PRKN: variants seen among roughly 807,000 people sequenced by gnomAD.
PRKN encodes the protein E3 ubiquitin-protein ligase parkin.
PRKN carries 56 observed loss-of-function variants against 59.5 expected under a neutral mutation model. The observed-to-expected ratio is 0.94, with a 90% CI of 0.76 to 1.18. The LOEUF (loss-of-function observed/expected upper bound fraction) is 1.18, where lower values mean the gene tolerates loss of function less well. Ranked by LOEUF, PRKN falls within the 50% of genes most tolerant of loss-of-function variation. The pLI, the probability that PRKN is intolerant of heterozygous loss-of-function variation, is 0.00. For missense variants in PRKN, 657 were observed against 596.4 expected, an observed-to-expected ratio of 1.10 and a Z score of -1.06; for synonymous variants, 250 against 222.1, an observed-to-expected ratio of 1.13 and a Z score of -1.12.
At chr6:161,988,638 G>A (rs1781528540) in intron 5 of PRKN, among the ~76,000 whole-genome samples, 1 of 151,914 alleles carries the variant, frequency 6.6e-6, no homozygotes, top group Admixed American at 6.6e-5. Flanking sequence ...AAAAAGAAGA[G>A]TAAAAACAGA....
intron 7 of PRKN, among the ~76,000 whole-genome samples, chr6:161,742,062 G>A (rs555443007): frequency 1.3e-5 from 2 of 152,090 alleles, no homozygotes; most frequent in Non-Finnish European, 1.5e-5. Context: ...CTCCGCCTCC[G>A]AGGCTCAAGT....
intron 10 of PRKN, among the ~76,000 whole-genome samples, chr6:161,380,436 T>TA (rs1785920042): frequency 6.7e-6 from 1 of 149,124 alleles, no homozygotes; most frequent in East Asian, 1.9e-4. Flanking sequence ...CTTTTTTTTT[T>TA]TTTTTTTTTT....
chr6:161,422,196 T>C (rs1788134329), intron 9 of PRKN, among the ~76,000 whole-genome samples: 1 of 146,910 alleles, frequency 6.8e-6, no homozygotes, highest in Non-Finnish European at 1.5e-5. Context: ...ACAAATAAAA[T>C]CTTTTTTTTT....
In PRKN at chr6:161,526,024, A is replaced by G. The variant is rs1779004304; in HGVS notation, c.1083+22830T>C. On this transcript the variant is annotated intron_variant, in intron 9 of 11. Transcript: ENST00000366898. This position sits in a 1 kb window ranked among gnomAD's most constrained non-coding sequence, Gnocchi z 4.1. ...GTAACCCAAATCTGTGTATATAAGCAATTTAGTATTGTGTATCTTCTAAAG... is the reference window on the plus strand; with the variant it reads ...GTAACCCAAATCTGTGTATATAAGCGATTTAGTATTGTGTATCTTCTAAAG... Among the ~76,000 whole-genome samples, 1 of 152,202 alleles carries G rather than the reference A, an allele frequency of 6.6e-6. No homozygotes were observed. The highest frequency in any genetic ancestry group is 6.5e-5 in the Admixed American group (1 of 15,286).
At chr6:161,835,311 G>C (rs769273240) in intron 6 of PRKN, among the ~76,000 whole-genome samples, 5 of 152,086 alleles carry the variant, frequency 3.3e-5, no homozygotes, top group Non-Finnish European at 7.4e-5. Context: ...GAGAAGGAAG[G>C]GGGGCTTCCT....
intron 2 of PRKN, among the ~76,000 whole-genome samples, chr6:162,304,502 T>A (rs1461657932): frequency 9.5e-6 from 1 of 105,046 alleles, no homozygotes; most frequent in African/African-American, 4.4e-5. Flanking sequence ...TATCTATCTA[T>A]CTATCTATCT....
rs117156598 is a variant in PRKN, at chr6:161,471,362, A to C, written c.1083+77492T>G. Among the ~76,000 whole-genome samples the C allele has an allele frequency of 9.7e-3, 1,482 of 152,330 alleles. 20 individuals are homozygous for C. The highest frequency in any genetic ancestry group is 0.024 in the Middle Eastern group (7 of 294). Reference sequence around the variant, plus strand: ...CCTACGTAAGCAGCTTTATAATAAGAAAATATTTGTTTATGAATTCAAACT... The same window carrying C: ...CCTACGTAAGCAGCTTTATAATAAGCAAATATTTGTTTATGAATTCAAACT... On this transcript the variant is annotated intron_variant, in intron 9 of 11. Coordinates refer to ENST00000366898, the MANE Select transcript of PRKN (RefSeq NM_004562.3). This position sits in a 1 kb window ranked among gnomAD's most constrained non-coding sequence, Gnocchi z 4.5.
At chr6:162,103,221 T>C (rs1018268364) in intron 4 of PRKN, among the ~76,000 whole-genome samples, 2 of 152,042 alleles carry the variant, frequency 1.3e-5, no homozygotes, top group East Asian at 1.9e-4. Context: ...AAAAAAGCTG[T>C]TCAGTTTTGT....
chr6:161,682,700 G>A (rs1267326238), intron 7 of PRKN, among the ~76,000 whole-genome samples: 1 of 152,110 alleles, frequency 6.6e-6, no homozygotes, highest in African/African-American at 2.4e-5. Context: ...CCTTTCATTC[G>A]GAAACACTTG....
intron 7 of PRKN, among the ~76,000 whole-genome samples, chr6:161,706,250 C>T (rs186817701): frequency 3.9e-5 from 6 of 152,310 alleles, no homozygotes; most frequent in Admixed American, 1.3e-4. Context: ...GACCAATTCA[C>T]ACCTCTGTGC....
chr6:161,997,436 T>G (rs1421847554), intron 5 of PRKN, among the ~76,000 whole-genome samples: 2 of 152,224 alleles, frequency 1.3e-5, no homozygotes, highest in East Asian at 3.9e-4. Context: ...GTGGGTTTTG[T>G]GCAGTGTCTC....
At position 162,380,445 on chromosome 6, in the gene PRKN, ATG is replaced by A. The variant is rs1172812243; in HGVS notation, c.171+62863_171+62864del. On this transcript the variant is annotated intron_variant, in intron 2 of 11. Transcript: ENST00000366898. ...TATATATATGTGTGTATATATATAT[ATG>A]TATATATACACACATATATATGTGT... Among the ~76,000 whole-genome samples the A allele has an allele frequency of 8.3e-4, 75 of 90,206 alleles. 1 individual carries two copies. The highest frequency in any genetic ancestry group is 4.0e-3 in the African/African-American group (69 of 17,102). 59.2% of individuals were successfully genotyped at this position (90,206 alleles called of 152,430 possible).
intron 6 of PRKN, among the ~76,000 whole-genome samples, chr6:161,797,593 T>C (rs1790904936): frequency 2.0e-5 from 3 of 152,214 alleles, no homozygotes; most frequent in Admixed American, 6.5e-5. Context: ...ATTAGAGGAA[T>C]ATTTAAAAAT....
At position 161,612,446 on chromosome 6, in the gene PRKN, C is replaced by T. The variant is rs181841498; in HGVS notation, c.872-43030G>A. ...TAAGAATTATGTGATATCAGCCAGG[C>T]GCGGTGGCTCACACCCATAATTCCA... On this transcript the variant is annotated intron_variant, in intron 7 of 11. Coordinates refer to ENST00000366898, the MANE Select transcript of PRKN (RefSeq NM_004562.3). Among the ~76,000 whole-genome samples, 813 of 152,190 alleles carry T rather than the reference C, an allele frequency of 5.3e-3. 2 individuals are homozygous for T. The highest frequency in any genetic ancestry group is 8.8e-3 in the Non-Finnish European group (596 of 68,010).
In PRKN at chr6:161,769,200, G is replaced by A. The variant is rs527479635; in HGVS notation, c.871+16572C>T. On this transcript the variant is annotated intron_variant, in intron 7 of 11. Coordinates refer to ENST00000366898, the MANE Select transcript of PRKN (RefSeq NM_004562.3). ...ATACAACTTCAATTAAACCTACATC[G>A]CAGCTTCAGGTTTCCCGTGTGAGTC... 2.6e-5 allele frequency among the ~76,000 whole-genome samples: 4 copies of A among 152,164 alleles called. No individual in the cohort carries two copies. The East Asian group carries it at 5.8e-4, about 22-fold the overall frequency.
intron 7 of PRKN, among the ~76,000 whole-genome samples, chr6:161,680,318 A>G (rs1785269088): frequency 6.6e-6 from 1 of 152,160 alleles, no homozygotes. Flanking sequence ...TAGCTAGGTT[A>G]ACACGCCTTA....
At chr6:162,173,246 C>A (rs1783369532) in intron 4 of PRKN, among the ~76,000 whole-genome samples, 1 of 152,160 alleles carries the variant, frequency 6.6e-6, no homozygotes, top group African/African-American at 2.4e-5. Context: ...GGTCTTACTA[C>A]AGTCATTGCC....
intron 7 of PRKN, among the ~76,000 whole-genome samples, chr6:161,599,165 CT>C (rs1782022027): frequency 6.6e-6 from 1 of 152,180 alleles, no homozygotes; most frequent in Non-Finnish European, 1.5e-5. Context: ...AGACTTCAGG[CT>C]CCCAGGACAA....
At position 161,713,655 on chromosome 6, in the gene PRKN, C is replaced by T. The variant is rs993827437; in HGVS notation, c.871+72117G>A. On this transcript the variant is annotated intron_variant, in intron 7 of 11. Transcript: ENST00000366898. ...ACACATTTTTCAACTGTTCCTTGTACGACCTCACTGTCCATCACTCTGGCT... is the reference window on the plus strand; with the variant it reads ...ACACATTTTTCAACTGTTCCTTGTATGACCTCACTGTCCATCACTCTGGCT... Among the ~76,000 whole-genome samples the T allele has an allele frequency of 5.9e-5, 9 of 152,170 alleles. No homozygotes were observed. The South Asian group carries it at 6.2e-4, about 10-fold the overall frequency.
Sources: gnomAD v4.1 joint callset for allele counts (sites outside exome capture counted in the v4.1 genomes callset) on GRCh38, gnomAD v4.1.1 for gene constraint, Gnocchi (gnomAD v3.1) non-coding constraint, MANE v1.5 for transcripts, NCBI Gene and HGNC (gene_info 2026-07-23, HGNC 2026-07-21) for gene names.